Variants in LRBA observed in about 807,000 individuals in gnomAD.
LRBA encodes LPS responsive beige-like anchor protein.
In LRBA, 176 loss-of-function variants were observed where a neutral mutation model predicts 330.0. The observed-to-expected ratio is 0.53, with a 90% CI of 0.47 to 0.60. The LOEUF is 0.60. LRBA is among the 20% of genes least tolerant of loss of function. LRBA has a pLI of 0.00. For missense variants in LRBA, 3,259 were observed against 3,444.8 expected (o/e 0.95, Z 1.35); for synonymous variants, 1,230 against 1,193.0 (o/e 1.03, Z -0.64).
intron 44 of LRBA, among the ~76,000 whole-genome samples, chr4:150,441,526 G>A (rs1246481067): frequency 6.6e-6 from 1 of 152,022 alleles, no homozygotes; most frequent in Non-Finnish European, 1.5e-5. Flanking sequence ...AGTAAAAGCT[G>A]TAAAAAGGTA....
In LRBA at chr4:150,730,003, G is replaced by T. The variant is rs116011276; in HGVS notation, c.5754+5255C>A. ...CTTATGTAAAAATCAAATCAAAATA[G>T]ATTAAAGACTTAAATCTAAGACTTC... On this transcript the variant is annotated intron_variant, in intron 36 of 56. Transcript: ENST00000651943. Among the ~76,000 whole-genome samples the T allele has an allele frequency of 5.8e-3, 886 of 152,172 alleles. 8 individuals carry two copies. The highest frequency in any genetic ancestry group is 0.02 in the African/African-American group (835 of 41,526).
At chr4:150,913,475 A>T (rs1732238627) in intron 9 of LRBA, among the ~76,000 whole-genome samples, 1 of 152,102 alleles carries the variant, frequency 6.6e-6, no homozygotes, top group African/African-American at 2.4e-5. Flanking sequence ...CTCAAAAAAA[A>T]GAAGAAGAAG....
chr4:150,933,466 A>T (rs978272406), intron 2 of LRBA, among the ~76,000 whole-genome samples: 7 of 152,104 alleles, frequency 4.6e-5, no homozygotes, highest in Non-Finnish European at 8.8e-5. Context: ...ATATGAAAAG[A>T]TCTCTAAGAT....
intron 44 of LRBA, among the ~76,000 whole-genome samples, chr4:150,437,530 A>T (rs576706208): frequency 2.7e-5 from 4 of 150,070 alleles, no homozygotes; most frequent in Non-Finnish European, 5.9e-5. Context: ...TTATAAAATT[A>T]AAAATATCAC....
At chr4:150,639,819 GTATATATATATA>G (rs56731034) in intron 37 of LRBA, among the ~76,000 whole-genome samples, 206 of 4,510 alleles carry the variant, frequency 0.046, 20 homozygotes, top group Non-Finnish European at 0.062. Context: ...GTGTGTGTGT[GTATATATATATA>G]TATATATATA....
rs1458319168 is a variant in LRBA at position 150,864,858 on chromosome 4, G to A, written c.2766+2813C>T. ...GATGGGGTTTCACCATGTTGGCCAG[G>A]CTGGTCCTGAACTCCTGACCTCAAG... On this transcript the variant is annotated intron_variant, in intron 22 of 56. Transcript: ENST00000651943. Among the ~76,000 whole-genome samples, 3 of 151,978 alleles carry A rather than the reference G, an allele frequency of 2.0e-5. No homozygotes were observed. In the East Asian group the frequency reaches 5.8e-4, roughly 29 times the overall value.
intron 40 of LRBA, among the ~76,000 whole-genome samples, chr4:150,507,994 C>T (rs970412575): frequency 2.1e-5 from 3 of 146,086 alleles, no homozygotes; most frequent in Non-Finnish European, 4.5e-5. Flanking sequence ...AACCAAACAC[C>T]GCATGTTCTC....
At chr4:150,658,090 T>C (rs1449014183) in intron 37 of LRBA, among the ~76,000 whole-genome samples, 3 of 150,800 alleles carry the variant, frequency 2.0e-5, no homozygotes, top group Non-Finnish European at 4.4e-5. Flanking sequence ...AAGGGGTGAG[T>C]CAAAGGAGAT....
chr4:150,980,647 A>AGGAAGG (rs563180578), intron 2 of LRBA, among the ~76,000 whole-genome samples: 2 of 152,132 alleles, frequency 1.3e-5, no homozygotes, highest in Non-Finnish European at 2.9e-5. Context: ...CGGAGAGAAA[A>AGGAAGG]GGAAGGGGAA....
chr4:150,441,952 G>A (rs925837236), intron 44 of LRBA, among the ~76,000 whole-genome samples: 3 of 152,166 alleles, frequency 2.0e-5, no homozygotes, highest in African/African-American at 7.2e-5. Flanking sequence ...CTTAACAAGT[G>A]TAGCTGCTAT....
In LRBA at chr4:150,761,851, T is replaced by TAA; in HGVS notation, c.5581-6_5581-5dup. 6.7e-5 allele frequency: 87 copies of TAA among 1,304,564 alleles called. No homozygotes were observed. Among genetic ancestry groups the TAA allele is most frequent in the South Asian group, 9.6e-5 (6 of 62,744 alleles). 80.8% of individuals were successfully genotyped at this position (1,304,564 alleles called of 1,614,324 possible). On this transcript the variant is annotated splice_region_variant and splice_polypyrimidine_tract_variant and intron_variant, in intron 34 of 56. Transcript: ENST00000651943. ...TCTGAATAGAATTTTGCCACTCCTA[T>TAA]AAAAAAAAAAGCAAAAATAGCTGAA... is the stretch of plus-strand genomic sequence containing the variant.
At chr4:150,749,806 C>T (rs960715224) in intron 35 of LRBA, among the ~76,000 whole-genome samples, 2 of 151,962 alleles carry the variant, frequency 1.3e-5, no homozygotes, top group Non-Finnish European at 2.9e-5. Context: ...TTATATCATG[C>T]CACTCGTCTA....
At chr4:150,277,087 T>C (rs1425556301) in intron 56 of LRBA, among the ~76,000 whole-genome samples, 3 of 152,330 alleles carry the variant, frequency 2.0e-5, no homozygotes, top group African/African-American at 7.2e-5. Flanking sequence ...TGGAATACTA[T>C]GCAGCCATAC....
rs142600543 is a variant in LRBA at position 150,353,278 on chromosome 4, G to T, written c.7195-3119C>A. 5.5e-4 allele frequency among the ~76,000 whole-genome samples: 83 copies of T among 152,052 alleles called. No individual in the cohort carries two copies. The East Asian group carries it at 9.8e-3, about 18-fold the overall frequency. On this transcript the variant is annotated intron_variant, in intron 47 of 56. Coordinates refer to ENST00000651943, the MANE Select transcript of LRBA (RefSeq NM_001364905.1). The stretch of plus-strand genomic sequence containing the variant: ...CTTGCCAGTAGTTTAAATAAAAAAC[G>T]TGTAGTTCATATACACACACTATTG...
chr4:150,523,537 G>T (rs997043611), intron 40 of LRBA, among the ~76,000 whole-genome samples: 2 of 152,084 alleles, frequency 1.3e-5, no homozygotes, highest in Admixed American at 1.3e-4. Context: ...CAGGTATTTT[G>T]CTATACCAGC....
chr4:150,623,242 T>C (rs1581842449), intron 37 of LRBA, among the ~76,000 whole-genome samples: 1 of 152,158 alleles, frequency 6.6e-6, no homozygotes, highest in South Asian at 2.1e-4. Flanking sequence ...TTTAACAAAA[T>C]TTGTATTGCA....
chr4:150,844,409 T>A (rs1749547525), intron 27 of LRBA, among the ~76,000 whole-genome samples: 1 of 151,350 alleles, frequency 6.6e-6, no homozygotes, highest in African/African-American at 2.4e-5. Flanking sequence ...CAGGAAAAAA[T>A]GACATATTTG....
At chr4:150,743,045 G>A (rs1015688453) in intron 35 of LRBA, among the ~76,000 whole-genome samples, 2 of 152,138 alleles carry the variant, frequency 1.3e-5, no homozygotes, top group Non-Finnish European at 2.9e-5. Context: ...TCAGCTCACT[G>A]CAACCTCCGC....
intron 53 of LRBA, among the ~76,000 whole-genome samples, chr4:150,294,963 A>ATAG (rs1301736262): frequency 1.3e-5 from 2 of 152,064 alleles, no homozygotes; most frequent in South Asian, 2.1e-4. Flanking sequence ...AAAAAAAAAA[A>ATAG]TAGTAGTAGT....
Sources: gnomAD v4.1 joint callset for allele counts (sites outside exome capture counted in the v4.1 genomes callset) on GRCh38, gnomAD v4.1.1 for gene constraint, MANE v1.5 for transcripts, NCBI Gene and HGNC (gene_info 2026-07-23, HGNC 2026-07-21) for gene names.